Variants in LDLRAD4 observed in about 807,000 individuals in gnomAD.
LDLRAD4 encodes the protein low density lipoprotein receptor class A domain containing 4.
LDLRAD4 carries 5 observed loss-of-function variants against 17.0 expected under a neutral mutation model. The ratio of observed to expected loss-of-function variants is 0.29; its 90% CI spans 0.15 to 0.62. The LOEUF (loss-of-function observed/expected upper bound fraction) is 0.62, where lower values mean the gene tolerates loss of function less well. LDLRAD4 is among the 20% of genes least tolerant of loss of function. The pLI, the probability that LDLRAD4 is intolerant of heterozygous loss-of-function variation, is 0.84. For synonymous variants in LDLRAD4, 168 were observed against 171.8 expected (o/e 0.98, Z 0.17); for missense variants, 340 against 424.7 (o/e 0.80, Z 1.75).
chr18:13,408,631 C>T (rs1196930352), intron 2 of LDLRAD4, among the ~76,000 whole-genome samples: 3 of 151,880 alleles, frequency 2.0e-5, no homozygotes, highest in Non-Finnish European at 4.4e-5. Context: ...CGCCACCACA[C>T]CTGGCTAATT....
chr18:13,588,198 G>A (rs937134877), intron 3 of LDLRAD4, among the ~76,000 whole-genome samples: 3 of 152,356 alleles, frequency 2.0e-5, no homozygotes, highest in East Asian at 1.9e-4. Context: ...GAAAGCTGGT[G>A]ACATGTATGC....
exon 6 of LDLRAD4, chr18:13,650,719 ATAATG>A (rs1281592333): frequency 5.2e-6 from 1 of 191,678 alleles, no homozygotes; most frequent in Non-Finnish European, 1.1e-5. Flanking sequence ...ATACTGTAAT[ATAATG>A]TATAGATGAT....
intron 1 of LDLRAD4, among the ~76,000 whole-genome samples, chr18:13,343,117 T>C (rs1047185990): frequency 2.0e-5 from 3 of 152,172 alleles, no homozygotes; most frequent in Admixed American, 6.5e-5. Flanking sequence ...AATTTTAGGG[T>C]ACATGTGCAC....
chr18:13,333,768 C>T (rs2081977351), intron 1 of LDLRAD4, among the ~76,000 whole-genome samples: 1 of 152,146 alleles, frequency 6.6e-6, no homozygotes, highest in Non-Finnish European at 1.5e-5. Context: ...TTCTATTTGT[C>T]TATTTTTCAT....
rs565981465 is a variant in LDLRAD4, at chr18:13,461,745, GT to G, written c.181+23363del. On this transcript the variant is annotated intron_variant, in intron 3 of 5. Transcript: ENST00000359446. Reference sequence around the variant, plus strand: ...TCAGAGGCTGAAGCAAAGTTACAAAGTTACACCCTATGCAAATGTCTGATTG... The same window carrying G: ...TCAGAGGCTGAAGCAAAGTTACAAAGTACACCCTATGCAAATGTCTGATTG... Among the ~76,000 whole-genome samples the G allele has an allele frequency of 1.8e-4, 27 of 152,280 alleles. No individual in the cohort carries two copies. The South Asian group carries it at 4.6e-3, about 26-fold the overall frequency.
intron 3 of LDLRAD4, among the ~76,000 whole-genome samples, chr18:13,441,173 T>C (rs2146213481): frequency 6.6e-6 from 1 of 152,296 alleles, no homozygotes; most frequent in African/African-American, 2.4e-5. Context: ...TGGCTATATA[T>C]TCTCTTCCCC....
At chr18:13,246,106 C>G (rs886500789) in intron 1 of LDLRAD4, among the ~76,000 whole-genome samples, 1 of 152,196 alleles carries the variant, frequency 6.6e-6, no homozygotes, top group Non-Finnish European at 1.5e-5. Context: ...AGGTTGGGTC[C>G]CTGTATTTTT....
At position 13,240,256 on chromosome 18, in the gene LDLRAD4, G is replaced by C. The variant is rs2042563028; in HGVS notation, c.-467+21268G>C. ...GCCTGAGGCTTCCCTAGTCTTGCAG[G>C]GTCAACTTGCTGAAAGCTCAGCCCT... On this transcript the variant is annotated intron_variant, in intron 1 of 5. Coordinates refer to the LDLRAD4 transcript ENST00000399848. 2.0e-5 allele frequency: 3 copies of C among 152,180 alleles called. No homozygotes were observed. In the South Asian group the frequency reaches 6.2e-4, roughly 32 times the overall value. The allele number at this position is 152,180 out of a possible 1,614,324, so 9.4% of individuals were successfully genotyped here.
Position 13,645,275 on chromosome 18 carries a change from C to A in LDLRAD4, c.539C>A (p.Pro180Gln), listed in dbSNP as rs765615615. Residue 180 changes from proline to glutamine, a missense_variant, in exon 6 of 6, where the codon CCA (proline) becomes CAA (glutamine). Transcript: ENST00000359446. The surrounding 1 kb of genome is among the most constrained non-coding windows in gnomAD (Gnocchi z 5.7). ...ATCTCCCTGTCCGACGGTGAAGAGC[C>A]ACCTCCTTACCAGGGGCCCTGCACC... 1.2e-6 allele frequency: 2 copies of A among 1,614,190 alleles called. No homozygotes were observed. The highest frequency in any genetic ancestry group is 1.7e-6 in the Non-Finnish European group (2 of 1,180,028).
chr18:13,407,353 G>C (rs2087862541), intron 2 of LDLRAD4, among the ~76,000 whole-genome samples: 1 of 152,188 alleles, frequency 6.6e-6, no homozygotes. Flanking sequence ...AATTGACGGT[G>C]ATGTGATTAT....
chr18:13,443,613 C>T (rs568564748), intron 3 of LDLRAD4, among the ~76,000 whole-genome samples: 8 of 152,304 alleles, frequency 5.3e-5, no homozygotes, highest in Admixed American at 3.9e-4. Context: ...CCCCAGGCAT[C>T]GTAGATCGCT....
chr18:13,620,533 T>C (rs931973082), intron 3 of LDLRAD4, among the ~76,000 whole-genome samples: 10 of 152,152 alleles, frequency 6.6e-5, no homozygotes, highest in Non-Finnish European at 1.3e-4. Context: ...GCCGGCCCAA[T>C]GTGCTGTGAC....
At chr18:13,442,134 A>G in intron 3 of LDLRAD4, among the ~76,000 whole-genome samples, 1 of 152,196 alleles carries the variant, frequency 6.6e-6, no homozygotes, top group East Asian at 1.9e-4. Context: ...TAATTATACA[A>G]ATTATTCCTT....
At chr18:13,524,799 C>A (rs577885255) in intron 3 of LDLRAD4, among the ~76,000 whole-genome samples, 22 of 152,326 alleles carry the variant, frequency 1.4e-4, no homozygotes, top group African/African-American at 5.1e-4. Context: ...GCGTTTTTCT[C>A]CACATCAGAA....
At chr18:13,322,124 T>C (rs1320021326) in intron 1 of LDLRAD4, among the ~76,000 whole-genome samples, 7 of 151,656 alleles carry the variant, frequency 4.6e-5, no homozygotes, top group Non-Finnish European at 1.0e-4. Flanking sequence ...GTCTATGTTG[T>C]ATTGCGACAC....
chr18:13,349,335 G>T (rs540280298), intron 1 of LDLRAD4, among the ~76,000 whole-genome samples: 1 of 152,154 alleles, frequency 6.6e-6, no homozygotes, highest in Admixed American at 6.5e-5. Flanking sequence ...TTTGTATATT[G>T]TGTGTCCATT....
chr18:13,322,782 TA>T (rs2081325332), intron 1 of LDLRAD4, among the ~76,000 whole-genome samples: 1 of 120,646 alleles, frequency 8.3e-6, no homozygotes, highest in East Asian at 2.3e-4. Flanking sequence ...CATACATGGC[TA>T]ATTTTTTTTT....
chr18:13,547,105 G>T (rs551691256), intron 3 of LDLRAD4, among the ~76,000 whole-genome samples: 1 of 152,178 alleles, frequency 6.6e-6, no homozygotes, highest in Non-Finnish European at 1.5e-5. Flanking sequence ...AGTGAGAATT[G>T]TGCATCTGTC....
intron 5 of LDLRAD4, chr18:13,644,841 C>T: frequency 2.4e-6 from 1 of 415,300 alleles, no homozygotes; most frequent in Non-Finnish European, 4.3e-6. Context: ...ACGTAGCACG[C>T]ACAGAAACTC....
Sources: gnomAD v4.1 joint callset for allele counts (sites outside exome capture counted in the v4.1 genomes callset) on GRCh38, gnomAD v4.1.1 for gene constraint, Gnocchi (gnomAD v3.1) non-coding constraint, MANE v1.5 for transcripts, NCBI Gene and HGNC (gene_info 2026-07-23, HGNC 2026-07-21) for gene names.